The following KLF8 variants were observed in gnomAD, a reference collection of about 807,000 sequenced individuals.
KLF8 encodes the protein Krueppel-like factor 8.
In KLF8, 10 loss-of-function variants were observed where a neutral mutation model predicts 18.2. That is an observed-to-expected ratio of 0.55 (90% CI 0.34 to 0.93). KLF8 has a LOEUF of 0.93. Ranked by LOEUF, KLF8 falls within the 40% of genes least tolerant of loss-of-function variation. The pLI, the probability that KLF8 is intolerant of heterozygous loss-of-function variation, is 0.02. For missense variants in KLF8, 264 were observed against 277.9 expected (o/e 0.95, Z 0.36); for synonymous variants, 109 against 97.3 (o/e 1.12, Z -0.71).
the KLF8 span, among the ~76,000 whole-genome samples, chrX:56,069,503 C>T: frequency 8.9e-6 from 1 of 111,795 alleles, no homozygotes; most frequent in Non-Finnish European, 1.9e-5. Context: ...CTCCTTTTGT[C>T]CCAGGAGGTA....
chrX:56,107,884 T>G, the KLF8 span, among the ~76,000 whole-genome samples: 1 of 112,190 alleles, frequency 8.9e-6, no homozygotes, highest in Non-Finnish European at 1.9e-5. Flanking sequence ...TTAATTTCTT[T>G]TAGCAATGTT....
chrX:56,083,391 A>G, the KLF8 span, among the ~76,000 whole-genome samples: 163 of 112,099 alleles, frequency 1.5e-3, no homozygotes, highest in African/African-American at 5.2e-3. Context: ...CCTTATGTTT[A>G]ACAAACCAAA....
chrX:56,023,954 A>G, the KLF8 span, among the ~76,000 whole-genome samples: 8 of 111,644 alleles, frequency 7.2e-5, no homozygotes, highest in Non-Finnish European at 1.5e-4. Context: ...ATTTTTCCAC[A>G]TATAATTTTA....
the KLF8 span, among the ~76,000 whole-genome samples, chrX:56,177,552 G>A: frequency 1.8e-5 from 2 of 111,462 alleles, no homozygotes; most frequent in South Asian, 7.6e-4. Context: ...GGGGGTCAGG[G>A]ACCTACTTGA....
chrX:56,036,312 T>G, the KLF8 span, among the ~76,000 whole-genome samples: 3 of 111,707 alleles, frequency 2.7e-5, no homozygotes, highest in African/African-American at 9.8e-5. Flanking sequence ...ATAGTTTTGT[T>G]TCTTACATTA....
At chrX:56,163,874 G>C in the KLF8 span, among the ~76,000 whole-genome samples, 3 of 111,902 alleles carry the variant, frequency 2.7e-5, no homozygotes, top group Non-Finnish European at 5.6e-5. Context: ...CCCATTGCCT[G>C]TTTTGTCATA....
chrX:56,069,762 A>AGTCTTGCCCGGCTTCCTGCCCAGCG, the KLF8 span, among the ~76,000 whole-genome samples: 1 of 111,229 alleles, frequency 9.0e-6, no homozygotes, highest in Non-Finnish European at 1.9e-5. Context: ...CCTGCCCAGC[A>AGTCTTGCCCGGCTTCCTGCCCAGCG]GTCTTGCCCG....
the KLF8 span, among the ~76,000 whole-genome samples, chrX:56,213,634 A>G: frequency 3.6e-3 from 399 of 110,557 alleles, 5 homozygotes; most frequent in African/African-American, 0.013. Context: ...AAAATGACCT[A>G]TTTCATATGG....
chrX:56,104,713 C>T, the KLF8 span, among the ~76,000 whole-genome samples: 13 of 111,267 alleles, frequency 1.2e-4, no homozygotes, highest in African/African-American at 4.2e-4. Flanking sequence ...TCTCTATCTC[C>T]TTCAGTTCTG....
chrX:56,162,648 T>C, the KLF8 span, among the ~76,000 whole-genome samples: 1 of 111,633 alleles, frequency 9.0e-6, no homozygotes. Context: ...AGTGACCTGA[T>C]TTTCCAGGTG....
chrX:56,185,052 G>A, the KLF8 span, among the ~76,000 whole-genome samples: 1 of 112,141 alleles, frequency 8.9e-6, no homozygotes, highest in Non-Finnish European at 1.9e-5. Context: ...CAGAGAAGAA[G>A]GCTTCAGACA....
At chrX:56,134,863 G>C in the KLF8 span, among the ~76,000 whole-genome samples, 1 of 110,942 alleles carries the variant, frequency 9.0e-6, no homozygotes, top group Non-Finnish European at 1.9e-5. Flanking sequence ...GACATGAATA[G>C]ACAATCCTCA....
chrX:56,175,957 C>A, the KLF8 span, among the ~76,000 whole-genome samples: 7 of 111,443 alleles, frequency 6.3e-5, no homozygotes, highest in Admixed American at 4.8e-4. Flanking sequence ...CTTGGCAAAT[C>A]TTCCTCCATC....
the KLF8 span, among the ~76,000 whole-genome samples, chrX:55,997,079 G>A: frequency 2.7e-5 from 3 of 111,833 alleles, no homozygotes; most frequent in Non-Finnish European, 5.7e-5. Flanking sequence ...GTTAGGCAGA[G>A]TCTGCTGGTA....
At chrX:56,051,364 C>T in the KLF8 span, among the ~76,000 whole-genome samples, 5 of 110,181 alleles carry the variant, frequency 4.5e-5, no homozygotes, top group Admixed American at 2.9e-4. Flanking sequence ...TTCCTAGTCT[C>T]GATGGTCTTT....
the KLF8 span, among the ~76,000 whole-genome samples, chrX:56,175,161 C>T: frequency 8.1e-5 from 9 of 111,316 alleles, no homozygotes; most frequent in East Asian, 2.5e-3. Context: ...TTTGCTGTGG[C>T]TTCTCTGGTT....
the KLF8 span, among the ~76,000 whole-genome samples, chrX:56,157,699 T>G: frequency 1.8e-5 from 2 of 111,970 alleles, no homozygotes; most frequent in Non-Finnish European, 3.8e-5. Context: ...TTTTGAGAAG[T>G]GTCTGTTCAT....
At chrX:56,153,691 A>G in the KLF8 span, among the ~76,000 whole-genome samples, 1 of 111,258 alleles carries the variant, frequency 9.0e-6, no homozygotes, top group South Asian at 3.9e-4. Flanking sequence ...CCATTGTCTC[A>G]GCCCAAAATC....
At chrX:55,929,849 G>C in the KLF8 span, among the ~76,000 whole-genome samples, 2 of 103,883 alleles carry the variant, frequency 1.9e-5, no homozygotes, top group African/African-American at 3.5e-5. Context: ...ACTGAGGATT[G>C]TCTTGACTAT....
Sources: gnomAD v4.1 joint callset for allele counts (sites outside exome capture counted in the v4.1 genomes callset) on GRCh38, gnomAD v4.1.1 for gene constraint, MANE v1.5 for transcripts, NCBI Gene and HGNC (gene_info 2026-07-23, HGNC 2026-07-21) for gene names.